STXBP4: variants seen among roughly 807,000 people sequenced by gnomAD.
STXBP4 encodes syntaxin binding protein 4, also known as syntaxin-binding protein 4.
In STXBP4, 55 loss-of-function variants were observed where a neutral mutation model predicts 76.1. The observed-to-expected ratio is 0.72, with a 90% CI of 0.58 to 0.91. The LOEUF is 0.91. Among genes scored for constraint, STXBP4 ranks in the 40% least tolerant of loss-of-function variants. The probability of loss-of-function intolerance (pLI) is 0.00; values close to 1 mark genes in which losing one functional copy is unlikely to be tolerated. For missense variants in STXBP4, 618 were observed against 636.9 expected (o/e 0.97, Z 0.32); for synonymous variants, 201 against 220.2 (o/e 0.91, Z 0.77).
rs770782051 is a variant in STXBP4 at position 54,986,295 on chromosome 17, A to C, written c.47+29A>C. On this transcript the variant is annotated intron_variant, in intron 3 of 17. Coordinates refer to ENST00000376352, the MANE Select transcript of STXBP4 (RefSeq NM_178509.6). ...ATTTTTAAGTTTAATATGTTTTGAA[A>C]TATAGTTTGAAATATGTAAACTATT... is the stretch of plus-strand genomic sequence containing the variant. 4.7e-6 allele frequency: 7 copies of C among 1,501,156 alleles called. No homozygotes were observed. In the East Asian group the frequency reaches 1.4e-4, roughly 29 times the overall value. 93.0% of individuals were successfully genotyped at this position (1,501,156 alleles called of 1,614,324 possible). A position where few individuals can be genotyped will look rare whatever the true frequency, so the allele number is the denominator to read the frequency against.
the STXBP4 span, among the ~76,000 whole-genome samples, chr17:55,189,011 C>A: frequency 6.6e-6 from 1 of 152,082 alleles, no homozygotes; most frequent in Non-Finnish European, 1.5e-5. Context: ...TCAAAGCCTG[C>A]CACCTCTGGG....
intron 16 of STXBP4, among the ~76,000 whole-genome samples, chr17:55,117,599 G>GAAAA (rs11452679): frequency 6.8e-6 from 1 of 147,090 alleles, no homozygotes; most frequent in Non-Finnish European, 1.5e-5. Context: ...TGCACTAATC[G>GAAAA]AAAAAAAAAA....
At position 54,982,594 on chromosome 17, in the gene STXBP4, T is replaced by TTGTGTG. The variant is rs61223151; in HGVS notation, c.-156-2993_-156-2988dup. On this transcript the variant is annotated intron_variant, in intron 1 of 17. Coordinates refer to ENST00000376352, the MANE Select transcript of STXBP4 (RefSeq NM_178509.6). ...TTAATTATGGGAACTTGAGGGTGGT[T>TTGTGTG]TGTGTGTGTGTGTGTGTGTGTGTGT... 5.0e-3 allele frequency among the ~76,000 whole-genome samples: 744 copies of TTGTGTG among 149,186 alleles called. 8 individuals are homozygous for TTGTGTG. Among genetic ancestry groups the TTGTGTG allele is most frequent in the Middle Eastern group, 6.9e-3 (2 of 288 alleles).
At chr17:55,210,409 A>T in the STXBP4 span, among the ~76,000 whole-genome samples, 71 of 152,282 alleles carry the variant, frequency 4.7e-4, no homozygotes, top group African/African-American at 1.7e-3. Context: ...TTTACTTTAA[A>T]TTGGGCTTAA....
In STXBP4 at chr17:55,050,631, G is replaced by A. The variant is rs566465591; in HGVS notation, c.1011+3477G>A. Among the ~76,000 whole-genome samples the A allele has an allele frequency of 9.9e-5, 15 of 152,222 alleles. No homozygotes were observed. In the East Asian group the frequency reaches 2.9e-3, roughly 29 times the overall value. ...GAAGCAGAATATTAACATGTACCTAGAAGTAAGAAGTAAAAATTACATGAA... is the reference window on the plus strand; with the variant it reads ...GAAGCAGAATATTAACATGTACCTAAAAGTAAGAAGTAAAAATTACATGAA... On this transcript the variant is annotated intron_variant, in intron 12 of 17. Transcript: ENST00000376352.
chr17:55,085,358 T>TA (rs35797228), intron 16 of STXBP4, among the ~76,000 whole-genome samples: 35,529 of 150,936 alleles, frequency 0.24, 4,587 homozygotes, highest in South Asian at 0.31. Context: ...TAAAGTATAA[T>TA]AAAAAAAAAG....
chr17:55,062,415 G>A (rs1294311007), intron 12 of STXBP4, among the ~76,000 whole-genome samples: 1 of 152,124 alleles, frequency 6.6e-6, no homozygotes, highest in Non-Finnish European at 1.5e-5. Flanking sequence ...CAAAGGACAT[G>A]CACTCATCCT....
At chr17:54,980,888 T>C (rs1390068324) in intron 1 of STXBP4, among the ~76,000 whole-genome samples, 3 of 152,166 alleles carry the variant, frequency 2.0e-5, no homozygotes, top group Non-Finnish European at 4.4e-5. Context: ...TTTAAATGTG[T>C]TCCAACACAA....
chr17:55,167,891 G>A lies in STXBP4; in HGVS notation c.*7980G>A, dbSNP rs1273820831. 1 of 152,088 alleles carries A rather than the reference G, an allele frequency of 6.6e-6. No individual in the cohort carries two copies. Among genetic ancestry groups the A allele is most frequent in the Non-Finnish European group, 1.5e-5 (1 of 68,000 alleles). 9.4% of individuals were successfully genotyped at this position (152,088 alleles called of 1,614,324 possible). A position where few individuals can be genotyped will look rare whatever the true frequency, so the allele number is the denominator to read the frequency against. ...ACAACAGGAAGACAAAACAAATTGA[G>A]TAGATAATAAAGTTACCTTATAGGA... On this transcript the variant is annotated 3_prime_UTR_variant, in exon 18 of 18. Transcript: ENST00000376352.
chr17:55,129,754 A>G (rs1356407179), intron 16 of STXBP4, among the ~76,000 whole-genome samples: 1 of 152,240 alleles, frequency 6.6e-6, no homozygotes, highest in Non-Finnish European at 1.5e-5. Flanking sequence ...AATAAATAAT[A>G]GGAGCATTGT....
chr17:55,043,185 C>T (rs1177190981), intron 10 of STXBP4, 51 bp from the exon 11 acceptor site: 2 of 908,720 alleles, frequency 2.2e-6, no homozygotes, highest in Non-Finnish European at 3.2e-6. Context: ...TGTTACCTCT[C>T]ATAATTAGCA....
chr17:55,138,262 T>G (rs2080057392), intron 16 of STXBP4, among the ~76,000 whole-genome samples: 1 of 152,068 alleles, frequency 6.6e-6, no homozygotes, highest in Admixed American at 6.6e-5. Flanking sequence ...AGCAAAATGC[T>G]GAACACATAA....
chr17:55,069,051 G>T (rs189828929), intron 12 of STXBP4, among the ~76,000 whole-genome samples: 1 of 150,896 alleles, frequency 6.6e-6, no homozygotes, highest in East Asian at 2.0e-4. Flanking sequence ...TTTCAAAGAA[G>T]ACTTTGGTCT....
At chr17:55,084,509 G>T (rs74989970) in intron 16 of STXBP4, among the ~76,000 whole-genome samples, 43,861 of 149,480 alleles carry the variant, frequency 0.29, 6,605 homozygotes, top group African/African-American at 0.34. Context: ...GTCAATTTTG[G>T]CTTTTGTTGC....
At chr17:55,108,475 T>C (rs2079664536) in intron 16 of STXBP4, among the ~76,000 whole-genome samples, 1 of 152,184 alleles carries the variant, frequency 6.6e-6, no homozygotes, top group Non-Finnish European at 1.5e-5. Flanking sequence ...CTCCTGCAAC[T>C]AGCTCAGTGT....
chr17:55,047,187 T>C (rs1598262663), intron 12 of STXBP4, 33 bp downstream of exon 12: 3 of 229,746 alleles, frequency 1.3e-5, no homozygotes, highest in Non-Finnish European at 2.1e-5. Context: ...TATGTGCTCG[T>C]GTGTGTGTGT....
intron 4 of STXBP4, among the ~76,000 whole-genome samples, chr17:54,993,447 C>T: frequency 6.6e-6 from 1 of 151,980 alleles, no homozygotes; most frequent in Non-Finnish European, 1.5e-5. Flanking sequence ...CATCACTACA[C>T]TCCAGCCTGG....
chr17:55,051,439 TTTTTG>T (rs879701841), intron 12 of STXBP4, among the ~76,000 whole-genome samples: 2 of 152,134 alleles, frequency 1.3e-5, no homozygotes, highest in Non-Finnish European at 2.9e-5. Flanking sequence ...CCTAAACCTT[TTTTTG>T]TTTTGTTTTG....
chr17:55,018,480 G>A (rs2078248645), intron 8 of STXBP4, among the ~76,000 whole-genome samples: 1 of 152,140 alleles, frequency 6.6e-6, no homozygotes, highest in Non-Finnish European at 1.5e-5. Flanking sequence ...GAAAGGGAGG[G>A]GACCCAAAGA....
Sources: allele counts gnomAD v4.1 joint callset (sites outside exome capture counted in the v4.1 genomes callset), GRCh38; gene constraint gnomAD v4.1.1; transcripts MANE v1.5; gene names NCBI Gene and HGNC (gene_info 2026-07-23, HGNC 2026-07-21).